Variants in ADCY2 observed in about 807,000 individuals in gnomAD.
ADCY2 encodes the protein adenylate cyclase type 2.
In ADCY2, 31 loss-of-function variants were observed where a neutral mutation model predicts 125.2. That is an observed-to-expected ratio of 0.25 (90% CI 0.19 to 0.33). The LOEUF is 0.33. Ranked by LOEUF, ADCY2 falls within the 10% of genes least tolerant of loss-of-function variation. ADCY2 has a pLI of 1.00. For missense variants in ADCY2, 904 were observed against 1,418.2 expected, an observed-to-expected ratio of 0.64 and a Z score of 5.82; for synonymous variants, 512 against 548.4, an observed-to-expected ratio of 0.93 and a Z score of 0.93.
chr5:7,517,316 G>T (rs968588978), intron 2 of ADCY2, among the ~76,000 whole-genome samples: 1 of 152,170 alleles, frequency 6.6e-6, no homozygotes, highest in African/African-American at 2.4e-5. Flanking sequence ...CATCCATGGG[G>T]AATGTCCCCA....
intron 4 of ADCY2, among the ~76,000 whole-genome samples, chr5:7,657,577 T>G (rs139896330): frequency 1.2e-4 from 19 of 152,320 alleles, no homozygotes; most frequent in African/African-American, 4.6e-4. Context: ...CATGCACACA[T>G]GTGTACACAT....
chr5:7,455,354 C>T (rs1010321469), intron 2 of ADCY2, among the ~76,000 whole-genome samples: 4 of 152,146 alleles, frequency 2.6e-5, no homozygotes, highest in Admixed American at 2.0e-4. Flanking sequence ...AGTGATCACA[C>T]ACTCTTCCAC....
intron 4 of ADCY2, among the ~76,000 whole-genome samples, chr5:7,643,033 T>A (rs1738764631): frequency 6.6e-6 from 1 of 152,030 alleles, no homozygotes; most frequent in African/African-American, 2.4e-5. Flanking sequence ...AGAATTTTTT[T>A]TATTTTTTTA....
chr5:7,521,989 G>A (rs1744461341), intron 3 of ADCY2, among the ~76,000 whole-genome samples: 1 of 152,094 alleles, frequency 6.6e-6, no homozygotes, highest in Admixed American at 6.5e-5. Flanking sequence ...TTACTAAGAA[G>A]CATCCACTCC....
intron 4 of ADCY2, among the ~76,000 whole-genome samples, chr5:7,688,295 T>G (rs1740592646): frequency 6.8e-6 from 1 of 147,048 alleles, no homozygotes; most frequent in Non-Finnish European, 1.5e-5. Flanking sequence ...TGAGACAGAG[T>G]CTCACTCTGT....
chr5:7,402,271 A>T (rs1462876683), intron 1 of ADCY2, among the ~76,000 whole-genome samples: 1 of 152,224 alleles, frequency 6.6e-6, no homozygotes, highest in Non-Finnish European at 1.5e-5. Flanking sequence ...AAAAGGATTA[A>T]GTTAGCTCAT....
At chr5:7,676,335 A>G (rs1376225700) in intron 4 of ADCY2, among the ~76,000 whole-genome samples, 1 of 152,218 alleles carries the variant, frequency 6.6e-6, no homozygotes, top group East Asian at 1.9e-4. Flanking sequence ...GATAGTCACT[A>G]AATAGAGAAC....
intron 16 of ADCY2, among the ~76,000 whole-genome samples, chr5:7,761,039 C>T (rs542800116): frequency 6.6e-6 from 1 of 151,490 alleles, no homozygotes; most frequent in Admixed American, 6.6e-5. Context: ...GCATAATGTT[C>T]TGCATATCCA....
At chr5:7,752,729 G>A (rs184348903) in intron 15 of ADCY2, among the ~76,000 whole-genome samples, 1 of 151,592 alleles carries the variant, frequency 6.6e-6, no homozygotes, top group Admixed American at 6.6e-5. Flanking sequence ...AGAGAGGGAA[G>A]GAAGAGAAGC....
chr5:7,600,025 C>T (rs1003360241), intron 3 of ADCY2, among the ~76,000 whole-genome samples: 2 of 152,130 alleles, frequency 1.3e-5, no homozygotes, highest in African/African-American at 4.8e-5. Context: ...AAGGAGCACC[C>T]AGGCAGTTTG....
At chr5:7,580,620 T>C (rs931522089) in intron 3 of ADCY2, among the ~76,000 whole-genome samples, 1 of 152,162 alleles carries the variant, frequency 6.6e-6, no homozygotes, top group East Asian at 1.9e-4. Context: ...ATATTTGTAA[T>C]GGAGTCACAG....
chr5:7,786,362 T>C (rs1206156293), intron 19 of ADCY2, among the ~76,000 whole-genome samples: 4 of 152,226 alleles, frequency 2.6e-5, no homozygotes, highest in Admixed American at 2.6e-4. Context: ...GGAAATAAGA[T>C]TTTTCAAGTG....
chr5:7,432,426 C>T (rs1045703453), intron 2 of ADCY2, among the ~76,000 whole-genome samples: 1 of 152,194 alleles, frequency 6.6e-6, no homozygotes, highest in African/African-American at 2.4e-5. Context: ...CTTCAGGGGT[C>T]ATGGGTTACC....
In ADCY2 at chr5:7,681,018, G is replaced by A. The variant is rs151247000; in HGVS notation, c.721-9673G>A. Among the ~76,000 whole-genome samples the A allele has an allele frequency of 2.6e-3, 398 of 152,328 alleles. 2 individuals carry two copies. Among genetic ancestry groups the A allele is most frequent in the African/African-American group, 8.2e-3 (341 of 41,578 alleles). On this transcript the variant is annotated intron_variant, in intron 4 of 24. Transcript: ENST00000338316. ...GTGTAGAAAATTGATAGCCAAGCAAGCTACAGCAGAAGAACACCTTTATTT... is the reference window on the plus strand; with the variant it reads ...GTGTAGAAAATTGATAGCCAAGCAAACTACAGCAGAAGAACACCTTTATTT...
At chr5:7,664,438 T>TG (rs752217848) in intron 4 of ADCY2, among the ~76,000 whole-genome samples, 1 of 152,176 alleles carries the variant, frequency 6.6e-6, no homozygotes, top group Non-Finnish European at 1.5e-5. Flanking sequence ...CACTCCCTGC[T>TG]GGGGAGCACT....
chr5:7,487,481 T>C (rs1246478694), intron 2 of ADCY2, among the ~76,000 whole-genome samples: 3 of 152,228 alleles, frequency 2.0e-5, no homozygotes, highest in Non-Finnish European at 2.9e-5. Flanking sequence ...TCTTCCTGTC[T>C]AGAAGCTTTG....
chr5:7,768,473 G>A (rs1054406712), intron 17 of ADCY2, among the ~76,000 whole-genome samples: 3 of 152,028 alleles, frequency 2.0e-5, no homozygotes, highest in Non-Finnish European at 4.4e-5. Context: ...TCCCCCTTTC[G>A]CATTCACGTG....
intron 3 of ADCY2, among the ~76,000 whole-genome samples, chr5:7,562,871 A>T (rs1219993221): frequency 6.6e-6 from 1 of 152,200 alleles, no homozygotes; most frequent in Admixed American, 6.5e-5. Flanking sequence ...TATTTGCTAG[A>T]ACCACCTTTG....
At chr5:7,630,605 A>C (rs1738281885) in intron 4 of ADCY2, among the ~76,000 whole-genome samples, 1 of 152,112 alleles carries the variant, frequency 6.6e-6, no homozygotes, top group Non-Finnish European at 1.5e-5. Context: ...CACTGAGCTA[A>C]AGTCAAGATA....
Sources: gnomAD v4.1 joint callset for allele counts (sites outside exome capture counted in the v4.1 genomes callset) on GRCh38, gnomAD v4.1.1 for gene constraint, MANE v1.5 for transcripts, NCBI Gene and HGNC (gene_info 2026-07-23, HGNC 2026-07-21) for gene names.